The following KLF12 variants were observed in gnomAD, a reference collection of about 807,000 sequenced individuals.
KLF12 encodes the protein Krueppel-like factor 12.
A neutral mutation model predicts 37.8 loss-of-function variants in KLF12; 9 were observed. That is an observed-to-expected ratio of 0.24 (90% CI 0.14 to 0.42). KLF12 has a LOEUF of 0.42. KLF12 is among the 10% of genes least tolerant of loss of function. The pLI is 1.00. For synonymous variants in KLF12, 208 were observed against 202.1 expected (o/e 1.03, Z -0.25); for missense variants, 411 against 516.0 (o/e 0.80, Z 1.97).
intron 1 of KLF12, among the ~76,000 whole-genome samples, chr13:74,058,524 T>A (rs1873391143): frequency 6.6e-6 from 1 of 151,278 alleles, no homozygotes; most frequent in African/African-American, 2.4e-5. Context: ...CCCGGCTAAT[T>A]TTTTTGTATT....
chr13:74,016,134 A>G (rs984927588), intron 1 of KLF12, among the ~76,000 whole-genome samples: 5 of 152,216 alleles, frequency 3.3e-5, no homozygotes, highest in African/African-American at 1.2e-4. Flanking sequence ...ATGACAGATA[A>G]GCCCATTAAA....
chr13:73,999,797 G>A (rs1892224961), intron 1 of KLF12, among the ~76,000 whole-genome samples: 1 of 152,032 alleles, frequency 6.6e-6, no homozygotes, highest in Non-Finnish European at 1.5e-5. Context: ...TCTCTCCTTT[G>A]ACTCATCAGG....
intron 1 of KLF12, among the ~76,000 whole-genome samples, chr13:74,010,775 A>G (rs901051346): frequency 6.6e-6 from 1 of 152,210 alleles, no homozygotes; most frequent in Admixed American, 6.5e-5. Flanking sequence ...CTAATTTAAG[A>G]AAGCAGAAAT....
chr13:74,136,674 A>G (rs1244904778), upstream of KLF12, among the ~76,000 whole-genome samples: 1 of 152,142 alleles, frequency 6.6e-6, no homozygotes, highest in Admixed American at 6.5e-5. Context: ...GCTTGTTAGG[A>G]GAGTGATGAA....
At chr13:73,887,138 T>C (rs1029611201) in intron 3 of KLF12, among the ~76,000 whole-genome samples, 1 of 152,150 alleles carries the variant, frequency 6.6e-6, no homozygotes, top group Non-Finnish European at 1.5e-5. Flanking sequence ...AAAATAGAAA[T>C]TGGTGATACA....
chr13:74,177,562 CTTATAAG>C, the KLF12 span, among the ~76,000 whole-genome samples: 2 of 152,032 alleles, frequency 1.3e-5, no homozygotes, highest in Non-Finnish European at 2.9e-5. Flanking sequence ...TTTAGTTTTA[CTTATAAG>C]TTATGGGAAG....
chr13:74,275,825 T>TCCTTC, the KLF12 span, among the ~76,000 whole-genome samples: 1 of 117,236 alleles, frequency 8.5e-6, no homozygotes, highest in Non-Finnish European at 1.7e-5. Flanking sequence ...TTTCTTTCTT[T>TCCTTC]CTTTCTTTCT....
intron 5 of KLF12, among the ~76,000 whole-genome samples, chr13:73,797,769 CAAA>C (rs34644776): frequency 0.24 from 17,020 of 70,704 alleles, 768 homozygotes; most frequent in East Asian, 0.44. Context: ...GATCCTGTCT[CAAA>C]AAAAAAAAAA....
intron 5 of KLF12, among the ~76,000 whole-genome samples, chr13:73,789,162 G>C (rs182855388): frequency 6.6e-5 from 10 of 152,248 alleles, no homozygotes; most frequent in Admixed American, 2.6e-4. Flanking sequence ...GCAGACCTTT[G>C]TTTTTCCACA....
Position 73,714,938 on chromosome 13 carries a change from T to C in KLF12, c.1027+430A>G, listed in dbSNP as rs969878980. ...TTCCCACAATGCTACGTATCTGTCA[T>C]TTTTTATTTTTCAGTTGTTTACCTA... On this transcript the variant is annotated intron_variant, in intron 7 of 7. Transcript: ENST00000377669. Among the ~76,000 whole-genome samples the C allele has an allele frequency of 5.3e-5, 8 of 152,344 alleles. No individual in the cohort carries two copies. In the East Asian group the frequency reaches 1.5e-3, roughly 29 times the overall value.
At chr13:74,283,335 G>A in the KLF12 span, among the ~76,000 whole-genome samples, 1 of 152,162 alleles carries the variant, frequency 6.6e-6, no homozygotes, top group Non-Finnish European at 1.5e-5. Context: ...GACATTAATA[G>A]CATAATCCAA....
intron 6 of KLF12, among the ~76,000 whole-genome samples, chr13:73,725,582 T>C (rs1373350737): frequency 2.0e-5 from 3 of 148,658 alleles, no homozygotes; most frequent in Non-Finnish European, 4.4e-5. Flanking sequence ...AATAAGCTCA[T>C]AATATCTTTA....
the KLF12 span, among the ~76,000 whole-genome samples, chr13:74,301,744 G>C: frequency 6.6e-6 from 1 of 152,150 alleles, no homozygotes; most frequent in Non-Finnish European, 1.5e-5. Flanking sequence ...AACTGCAGCA[G>C]GGAGCATCTG....
At chr13:74,274,442 TA>T in the KLF12 span, among the ~76,000 whole-genome samples, 1 of 152,220 alleles carries the variant, frequency 6.6e-6, no homozygotes, top group Non-Finnish European at 1.5e-5. Context: ...CACCTGTTCC[TA>T]ATTATTTCCT....
rs1248917226 is a variant in KLF12 at position 73,692,058 on chromosome 13, A to C, written c.*3432T>G. 1 of 152,576 alleles carries C rather than the reference A, an allele frequency of 6.6e-6. No individual in the cohort carries two copies. The highest frequency in any genetic ancestry group is 1.5e-5 in the Non-Finnish European group (1 of 68,002). The allele number at this position is 152,576 out of a possible 1,614,324, so 9.5% of individuals were successfully genotyped here. A position where few individuals can be genotyped will look rare whatever the true frequency, so the allele number is the denominator to read the frequency against. On this transcript the variant is annotated 3_prime_UTR_variant, in exon 8 of 8. Coordinates refer to ENST00000377669, the MANE Select transcript of KLF12 (RefSeq NM_007249.5). ...AAAAAATGTGGTTTATGTTGCTGTT[A>C]CTCAACTGCTTTTGAAAACAAATGT...
intron 3 of KLF12, among the ~76,000 whole-genome samples, chr13:73,860,521 G>C (rs1478619900): frequency 6.6e-6 from 1 of 152,100 alleles, no homozygotes; most frequent in Non-Finnish European, 1.5e-5. Flanking sequence ...GGTTGCTCGA[G>C]CTCAGGAGTT....
chr13:74,060,482 TTTTGTGTGTGTG>T (rs1323654878), intron 1 of KLF12, among the ~76,000 whole-genome samples: 2 of 67,340 alleles, frequency 3.0e-5, no homozygotes, highest in African/African-American at 1.4e-4. Context: ...TATACCTAGG[TTTTGTGTGTGTG>T]TGTGTGTGTG....
chr13:73,745,752 A>T (rs1001807260), intron 6 of KLF12, among the ~76,000 whole-genome samples: 1 of 152,310 alleles, frequency 6.6e-6, no homozygotes, highest in Middle Eastern at 3.4e-3. Context: ...AGATAACACC[A>T]AGCAAAAATA....
At chr13:73,957,409 G>T (rs1890879017) in intron 2 of KLF12, among the ~76,000 whole-genome samples, 1 of 152,166 alleles carries the variant, frequency 6.6e-6, no homozygotes, top group East Asian at 1.9e-4. Context: ...GAAACTGAAA[G>T]AAACCTGAAG....
Sources: allele counts gnomAD v4.1 joint callset (sites outside exome capture counted in the v4.1 genomes callset), GRCh38; gene constraint gnomAD v4.1.1; transcripts MANE v1.5; gene names NCBI Gene and HGNC (gene_info 2026-07-23, HGNC 2026-07-21).